GALNT13: variants seen among roughly 807,000 people sequenced by gnomAD.
GALNT13 encodes UDP-GalNAc:polypeptide N-acetylgalactosaminyltransferase 13.
A neutral mutation model predicts 64.2 loss-of-function variants in GALNT13; 28 were observed. The observed-to-expected ratio is 0.44, with a 90% CI of 0.32 to 0.60. The LOEUF (loss-of-function observed/expected upper bound fraction) is 0.60, where lower values mean the gene tolerates loss of function less well. Ranked by LOEUF, GALNT13 falls within the 20% of genes least tolerant of loss-of-function variation. The pLI is 0.05. For synonymous variants in GALNT13, 214 were observed against 224.6 expected, an observed-to-expected ratio of 0.95 and a Z score of 0.42; for missense variants, 577 against 669.8, an observed-to-expected ratio of 0.86 and a Z score of 1.53.
the GALNT13 span, among the ~76,000 whole-genome samples, chr2:153,415,486 T>C: frequency 3.3e-5 from 5 of 152,350 alleles, no homozygotes; most frequent in South Asian, 4.1e-4. Flanking sequence ...ACTCATGGAC[T>C]ACTGTGTTAA....
At chr2:153,673,723 A>G in the GALNT13 span, among the ~76,000 whole-genome samples, 3 of 152,180 alleles carry the variant, frequency 2.0e-5, no homozygotes, top group African/African-American at 7.2e-5. Context: ...CAGACAAGAG[A>G]AAGAAATAAA....
At chr2:153,345,609 T>TTTTCC in the GALNT13 span, among the ~76,000 whole-genome samples, 1 of 106,942 alleles carries the variant, frequency 9.4e-6, no homozygotes, top group Non-Finnish European at 2.4e-5. Context: ...CTCCCATTTC[T>TTTTCC]TTTCTTTTCT....
chr2:154,017,213 A>G (rs1456394824), intron 3 of GALNT13, among the ~76,000 whole-genome samples: 1 of 152,150 alleles, frequency 6.6e-6, no homozygotes, highest in Non-Finnish European at 1.5e-5. Context: ...TCTGACTAAT[A>G]TGACTTTCAT....
chr2:154,267,125 G>C (rs1329333949), intron 8 of GALNT13, among the ~76,000 whole-genome samples: 2 of 151,822 alleles, frequency 1.3e-5, no homozygotes, highest in Non-Finnish European at 2.9e-5. Flanking sequence ...AATATTATTA[G>C]AACAACTGAA....
chr2:153,431,725 T>A, the GALNT13 span, among the ~76,000 whole-genome samples: 3 of 152,212 alleles, frequency 2.0e-5, no homozygotes, highest in Non-Finnish European at 4.4e-5. Context: ...AGGGTTTGCC[T>A]TTTTCAGATC....
At chr2:153,719,517 G>T in the GALNT13 span, among the ~76,000 whole-genome samples, 4 of 152,214 alleles carry the variant, frequency 2.6e-5, no homozygotes, top group Non-Finnish European at 5.9e-5. Context: ...CGACGCAGAA[G>T]ACGGGTGATT....
intron 2 of GALNT13, among the ~76,000 whole-genome samples, chr2:153,907,768 A>G (rs1688677410): frequency 6.6e-6 from 1 of 152,016 alleles, no homozygotes; most frequent in South Asian, 2.1e-4. Context: ...ATAGTTTTCC[A>G]TAGTGTATAT....
the GALNT13 span, among the ~76,000 whole-genome samples, chr2:153,404,259 G>C: frequency 6.6e-6 from 1 of 152,142 alleles, no homozygotes; most frequent in East Asian, 1.9e-4. Context: ...AGTTATTGGT[G>C]TCAGCCATTT....
the GALNT13 span, among the ~76,000 whole-genome samples, chr2:153,393,930 TTCTCTGTC>T: frequency 6.0e-4 from 86 of 142,198 alleles, no homozygotes; most frequent in Admixed American, 1.2e-3. Context: ...ATCAATTTCT[TTCTCTGTC>T]TCTCTGTCTA....
the GALNT13 span, among the ~76,000 whole-genome samples, chr2:153,465,999 G>A: frequency 6.6e-6 from 1 of 151,916 alleles, no homozygotes; most frequent in African/African-American, 2.4e-5. Context: ...CCACCTGCCC[G>A]GTGCCCGTTC....
chr2:153,161,273 T>C, the GALNT13 span, among the ~76,000 whole-genome samples: 1 of 152,174 alleles, frequency 6.6e-6, no homozygotes, highest in Admixed American at 6.5e-5. Context: ...GTCAGTGTCT[T>C]CATTCCTTAT....
chr2:153,666,540 A>T, the GALNT13 span, among the ~76,000 whole-genome samples: 2 of 152,152 alleles, frequency 1.3e-5, no homozygotes, highest in East Asian at 3.9e-4. Flanking sequence ...GGGTCAGAGA[A>T]CAGAGTGCTG....
the GALNT13 span, among the ~76,000 whole-genome samples, chr2:153,118,524 T>C: frequency 2.0e-5 from 3 of 152,212 alleles, no homozygotes; most frequent in Non-Finnish European, 2.9e-5. Flanking sequence ...GTCCACCCAC[T>C]ATTATTATTA....
In GALNT13 at chr2:154,187,515, G is replaced by A. The variant is rs548283526; in HGVS notation, c.311+47010G>A. Among the ~76,000 whole-genome samples the A allele has an allele frequency of 4.6e-5, 7 of 151,876 alleles. No individual in the cohort carries two copies. In the East Asian group the frequency reaches 5.8e-4, roughly 13 times the overall value. ...TCACTGTTCACCTCATGATGGTTTC[G>A]AAAATTTCCTTTTTTTGAATATGCA... On this transcript the variant is annotated intron_variant, in intron 4 of 12. Transcript: ENST00000392825.
the GALNT13 span, among the ~76,000 whole-genome samples, chr2:153,221,216 G>A: frequency 6.6e-6 from 1 of 152,142 alleles, no homozygotes; most frequent in Non-Finnish European, 1.5e-5. Context: ...GGGAGGCGGA[G>A]GTTGCTGTGA....
At chr2:153,705,871 GA>G in the GALNT13 span, among the ~76,000 whole-genome samples, 1 of 152,128 alleles carries the variant, frequency 6.6e-6, no homozygotes, top group Non-Finnish European at 1.5e-5. Flanking sequence ...ACAATAGCAG[GA>G]ATTTTGCTTA....
the GALNT13 span, among the ~76,000 whole-genome samples, chr2:153,710,493 T>G: frequency 6.6e-6 from 1 of 152,248 alleles, no homozygotes; most frequent in East Asian, 1.9e-4. Flanking sequence ...TCAGAAGTTC[T>G]TGAACCACAT....
rs182260352 is a variant in GALNT13 at position 154,267,377 on chromosome 2, C to T, written c.975+8239C>T. ...TTTTCAGGCCGGGCATGGTGGCTCA[C>T]GCCTGTAATCCCAGCACTTTGGGAG... On this transcript the variant is annotated intron_variant, in intron 8 of 12. Transcript: ENST00000392825. Among the ~76,000 whole-genome samples the T allele has an allele frequency of 6.8e-4, 104 of 152,170 alleles. 3 individuals are homozygous for T. In the East Asian group the frequency reaches 0.012, roughly 17 times the overall value.
the GALNT13 span, among the ~76,000 whole-genome samples, chr2:153,085,187 G>A: frequency 6.6e-6 from 1 of 152,162 alleles, no homozygotes. Context: ...AACGTTCTAA[G>A]TGGCTAAGCA....
Sources: allele counts gnomAD v4.1 joint callset (sites outside exome capture counted in the v4.1 genomes callset), GRCh38; gene constraint gnomAD v4.1.1; transcripts MANE v1.5; gene names NCBI Gene and HGNC (gene_info 2026-07-23, HGNC 2026-07-21).